The following ABHD2 variants were observed in gnomAD, a reference collection of about 807,000 sequenced individuals.
The protein encoded by ABHD2 is monoacylglycerol lipase ABHD2.
A neutral mutation model predicts 48.1 loss-of-function variants in ABHD2; 20 were observed. That is an observed-to-expected ratio of 0.42 (90% CI 0.29 to 0.60). The LOEUF (loss-of-function observed/expected upper bound fraction) is 0.60. Ranked by LOEUF, ABHD2 falls within the 20% of genes least tolerant of loss-of-function variation. The probability of loss-of-function intolerance (pLI) is 0.24; values close to 1 mark genes in which losing one functional copy is unlikely to be tolerated. For missense variants in ABHD2, 405 were observed against 550.9 expected, an observed-to-expected ratio of 0.74 and a Z score of 2.65; for synonymous variants, 209 against 214.2, an observed-to-expected ratio of 0.98 and a Z score of 0.21.
At position 89,114,282 on chromosome 15, in the gene ABHD2, G is replaced by A. The variant is rs943241301; in HGVS notation, c.-7+458G>A. On this transcript the variant is annotated intron_variant, in intron 2 of 10. Transcript: ENST00000352732. The surrounding 1 kb of genome is among the most constrained non-coding windows in gnomAD (Gnocchi z 4.2). ...TTTTAGAGAATCTGATTAAAGCTGC[G>A]AACCCTCTGCCCAGAAAACTGCTCA... Among the ~76,000 whole-genome samples the A allele has an allele frequency of 3.3e-5, 5 of 152,048 alleles. No homozygotes were observed. Among genetic ancestry groups the A allele is most frequent in the Non-Finnish European group, 4.4e-5 (3 of 68,020 alleles).
At chr15:89,160,630 T>G (rs530689227) in intron 5 of ABHD2, among the ~76,000 whole-genome samples, 1 of 152,348 alleles carries the variant, frequency 6.6e-6, no homozygotes, top group East Asian at 1.9e-4. Flanking sequence ...AGCAATGATT[T>G]CTGTCCATAC....
chr15:89,126,485 A>G (rs1028692414), intron 3 of ABHD2, among the ~76,000 whole-genome samples: 1 of 152,220 alleles, frequency 6.6e-6, no homozygotes, highest in Non-Finnish European at 1.5e-5. Context: ...GCCAACTTTT[A>G]TCAGCCTCTC....
chr15:89,081,767 C>A, the ABHD2 span, among the ~76,000 whole-genome samples: 1 of 152,050 alleles, frequency 6.6e-6, no homozygotes, highest in Non-Finnish European at 1.5e-5. Context: ...GGGAGGATCC[C>A]TTGAACCCAG....
At chr15:89,044,108 GTGTTCTCAT>G in the ABHD2 span, among the ~76,000 whole-genome samples, 17 of 151,996 alleles carry the variant, frequency 1.1e-4, no homozygotes, top group Non-Finnish European at 2.5e-4. Flanking sequence ...CTGTGTCCAT[GTGTTCTCAT>G]TGTTCAATTC....
At chr15:89,131,315 T>G (rs1328205786) in intron 3 of ABHD2, among the ~76,000 whole-genome samples, 2 of 152,240 alleles carry the variant, frequency 1.3e-5, no homozygotes, top group African/African-American at 4.8e-5. Flanking sequence ...TGCAATGCCT[T>G]CTACCTGGAA....
chr15:89,163,172 G>C (rs16942769), intron 5 of ABHD2, among the ~76,000 whole-genome samples: 59,483 of 151,964 alleles, frequency 0.39, 12,330 homozygotes, highest in East Asian at 0.78. Flanking sequence ...TTCTTCTTTT[G>C]CTGTTATGCA....
the ABHD2 span, among the ~76,000 whole-genome samples, chr15:89,067,813 T>A: frequency 6.6e-6 from 1 of 152,184 alleles, no homozygotes; most frequent in Non-Finnish European, 1.5e-5. Flanking sequence ...CCTTCTGGGC[T>A]CTGAGAGTCC....
Position 89,109,667 on chromosome 15 carries a change from T to C in ABHD2, c.-106-4058T>C, listed in dbSNP as rs550753002. Among the ~76,000 whole-genome samples, 5 of 152,160 alleles carry C rather than the reference T, an allele frequency of 3.3e-5. No homozygotes were observed. In the East Asian group the frequency reaches 7.7e-4, roughly 23 times the overall value. On this transcript the variant is annotated intron_variant, in intron 1 of 10. Transcript: ENST00000352732. ...ATCTAGAACAAGTTCAGAATATTAATATATAGTGACAAGTCAGACTTGGGG... is the reference window on the plus strand; with the variant it reads ...ATCTAGAACAAGTTCAGAATATTAACATATAGTGACAAGTCAGACTTGGGG...
At chr15:89,142,994 T>C (rs776009262) in intron 3 of ABHD2, among the ~76,000 whole-genome samples, 1 of 152,218 alleles carries the variant, frequency 6.6e-6, no homozygotes, top group Non-Finnish European at 1.5e-5. Flanking sequence ...CCAATTCGAT[T>C]CCATGATGAG....
At chr15:89,067,427 C>T in the ABHD2 span, among the ~76,000 whole-genome samples, 17 of 152,166 alleles carry the variant, frequency 1.1e-4, no homozygotes, top group Admixed American at 1.1e-3. Context: ...AGCAAGAAGC[C>T]AGCAAGTCTA....
At chr15:89,098,994 TG>T (rs369403450) in intron 1 of ABHD2, among the ~76,000 whole-genome samples, 22 of 152,312 alleles carry the variant, frequency 1.4e-4, no homozygotes, top group Non-Finnish European at 2.6e-4. Context: ...ATAAGATGGA[TG>T]GGTGCCTTGC....
At position 89,120,987 on chromosome 15, in the gene ABHD2, C is replaced by T. The variant is rs1360727917; in HGVS notation, c.194+4466C>T. On this transcript the variant is annotated intron_variant, in intron 3 of 10. Coordinates refer to ENST00000352732, the MANE Select transcript of ABHD2 (RefSeq NM_152924.5). The surrounding 1 kb of genome is among the most constrained non-coding windows in gnomAD (Gnocchi z 4.2). The stretch of plus-strand genomic sequence containing the variant: ...GTTTAGTAACCTGCTTTCACCAAAC[C>T]ATGATGAACGTTGCCATGAACATTC... 1 of 152,204 alleles carries T rather than the reference C, an allele frequency of 6.6e-6. No individual in the cohort carries two copies. The highest frequency in any genetic ancestry group is 1.5e-5 in the Non-Finnish European group (1 of 68,038). 9.4% of individuals were successfully genotyped at this position (152,204 alleles called of 1,614,324 possible). A position where few individuals can be genotyped will look rare whatever the true frequency, so the allele number is the denominator to read the frequency against.
intron 6 of ABHD2, among the ~76,000 whole-genome samples, chr15:89,180,641 G>T (rs946017229): frequency 2.0e-5 from 3 of 152,196 alleles, no homozygotes; most frequent in African/African-American, 7.2e-5. Flanking sequence ...GGGTCCAGAG[G>T]CTCTACCATC....
At chr15:89,041,398 A>G in the ABHD2 span, 3 of 152,198 alleles carry the variant, frequency 2.0e-5, no homozygotes, top group South Asian at 2.1e-4. Context: ...ATTCTGCTTT[A>G]CTATAACTTA....
chr15:89,185,591 G>A lies in ABHD2; in HGVS notation c.815+75G>A. On this transcript the variant is annotated intron_variant, in intron 7 of 10. Transcript: ENST00000352732. The surrounding 1 kb of genome is among the most constrained non-coding windows in gnomAD (Gnocchi z 5.9). ...CTCATCTGGGAACCGTGAAAAGCCA[G>A]GACTCCTGTTCCTTCAGGGGAAAAA... 1 of 1,349,024 alleles carries A rather than the reference G, an allele frequency of 7.4e-7. No homozygotes were observed. Among genetic ancestry groups the A allele is most frequent in the East Asian group, 2.3e-5 (1 of 43,096 alleles). 83.6% of individuals were successfully genotyped at this position (1,349,024 alleles called of 1,614,324 possible). A position where few individuals can be genotyped will look rare whatever the true frequency, so the allele number is the denominator to read the frequency against.
At chr15:89,051,288 G>A in the ABHD2 span, among the ~76,000 whole-genome samples, 52 of 152,260 alleles carry the variant, frequency 3.4e-4, no homozygotes, top group Non-Finnish European at 6.6e-4. Flanking sequence ...GCACATAGTA[G>A]ATGCTTCATA....
chr15:89,183,152 G>T (rs6496560), intron 6 of ABHD2, among the ~76,000 whole-genome samples: 57,008 of 151,500 alleles, frequency 0.38, 11,001 homozygotes, highest in Non-Finnish European at 0.4. Flanking sequence ...AGCATCCCAT[G>T]TCTAGTCAGT....
chr15:89,147,848 C>T (rs2050520607), intron 3 of ABHD2, among the ~76,000 whole-genome samples: 3 of 151,278 alleles, frequency 2.0e-5, no homozygotes, highest in Admixed American at 2.0e-4. Context: ...GTGGCTCACG[C>T]CTGTAATGCC....
chr15:89,162,147 C>T (rs79496691), intron 5 of ABHD2, among the ~76,000 whole-genome samples: 76 of 152,180 alleles, frequency 5.0e-4, no homozygotes, highest in African/African-American at 1.7e-3. Flanking sequence ...CCGGGGGTTA[C>T]GAGTTCAGCA....
Sources: gnomAD v4.1 joint callset for allele counts (sites outside exome capture counted in the v4.1 genomes callset) on GRCh38, gnomAD v4.1.1 for gene constraint, Gnocchi (gnomAD v3.1) non-coding constraint, MANE v1.5 for transcripts, NCBI Gene and HGNC (gene_info 2026-07-23, HGNC 2026-07-21) for gene names.